Variants in VPS35L observed in about 807,000 individuals in gnomAD.
VPS35L encodes the protein VPS35 endosomal protein sorting factor like.
VPS35L carries 83 observed loss-of-function variants against 133.0 expected under a neutral mutation model. The observed-to-expected ratio is 0.62, with a 90% confidence interval of 0.52 to 0.75. VPS35L has a LOEUF of 0.75. Among genes scored for constraint, VPS35L ranks in the 30% least tolerant of loss-of-function variants. VPS35L has a pLI of 0.00. For missense variants in VPS35L, 1,083 were observed against 1,206.8 expected (o/e 0.90, Z 1.52); for synonymous variants, 423 against 449.9 (o/e 0.94, Z 0.76).
chr16:19,626,006 A>G (rs1044727800), intron 14 of VPS35L, among the ~76,000 whole-genome samples, 171 bp from the exon 15 acceptor site: 1 of 152,018 alleles, frequency 6.6e-6, no homozygotes, highest in Non-Finnish European at 1.5e-5. Flanking sequence ...AAATGCCATG[A>G]AAGTGAATTT....
At chr16:19,601,987 A>G (rs530650393) in intron 9 of VPS35L, among the ~76,000 whole-genome samples, 4 of 151,898 alleles carry the variant, frequency 2.6e-5, no homozygotes, top group African/African-American at 9.6e-5. Context: ...TCACACGAAC[A>G]TATTTTCCTC....
chr16:19,655,218 G>T (rs1233142407), intron 26 of VPS35L, among the ~76,000 whole-genome samples: 1 of 152,220 alleles, frequency 6.6e-6, no homozygotes, highest in African/African-American at 2.4e-5. Context: ...GAGTGGGAAT[G>T]TGGAGTCCAC....
intron 7 of VPS35L, among the ~76,000 whole-genome samples, chr16:19,588,774 G>A (rs1971952675): frequency 1.3e-5 from 2 of 152,172 alleles, no homozygotes; most frequent in South Asian, 4.1e-4. Flanking sequence ...TGGTGCCCAT[G>A]TAAAGCTTTT....
rs113423738 is a variant in VPS35L at position 19,604,865 on chromosome 16, A to G, written c.784+3142A>G. 1.2e-3 allele frequency among the ~76,000 whole-genome samples: 177 copies of G among 152,358 alleles called. 3 individuals are homozygous for G. Among genetic ancestry groups the G allele is most frequent in the African/African-American group, 3.8e-3 (160 of 41,590 alleles). ...TCTTTTGGGTTCATGAAAATCACAC[A>G]CTATTAGATGTGGTCATTTTTTCCC... On this transcript the variant is annotated intron_variant, in intron 9 of 30. Transcript: ENST00000417362.
intron 9 of VPS35L, 128 bp from the exon 10 acceptor site, chr16:19,608,050 A>T (rs1479726444): frequency 2.7e-5 from 18 of 678,886 alleles, no homozygotes; most frequent in Non-Finnish European, 4.7e-5. Flanking sequence ...CCTAATAGTG[A>T]TATTTGGAAG....
intron 14 of VPS35L, among the ~76,000 whole-genome samples, chr16:19,622,685 G>C (rs1973123805): frequency 6.6e-6 from 1 of 152,152 alleles, no homozygotes; most frequent in Non-Finnish European, 1.5e-5. Flanking sequence ...CTGTGTGTCA[G>C]GGAGTGTCAG....
At chr16:19,661,521 C>G (rs1974485123) in intron 26 of VPS35L, among the ~76,000 whole-genome samples, 1 of 152,114 alleles carries the variant, frequency 6.6e-6, no homozygotes, top group Non-Finnish European at 1.5e-5. Context: ...AGGTTACTGC[C>G]CCTGAATTAT....
At chr16:19,678,011 G>A (rs1975124453) in intron 27 of VPS35L, among the ~76,000 whole-genome samples, 1 of 152,226 alleles carries the variant, frequency 6.6e-6, no homozygotes, top group African/African-American at 2.4e-5. Flanking sequence ...CAGCTGGTCA[G>A]TGACGAGCCA....
At chr16:19,583,053 T>G (rs922874921) in intron 7 of VPS35L, among the ~76,000 whole-genome samples, 5 of 152,160 alleles carry the variant, frequency 3.3e-5, no homozygotes, top group African/African-American at 1.2e-4. Flanking sequence ...TAAAGTTTTT[T>G]TGTGTGTGTT....
At chr16:19,591,109 T>G (rs2151527649) in intron 7 of VPS35L, among the ~76,000 whole-genome samples, 2 of 152,320 alleles carry the variant, frequency 1.3e-5, no homozygotes, top group South Asian at 4.1e-4. Context: ...ATGTATTCAC[T>G]GAAGCTTATG....
chr16:19,652,693 C>G, intron 26 of VPS35L: 1 of 152,348 alleles, frequency 6.6e-6, no homozygotes, highest in Non-Finnish European at 1.5e-5. Flanking sequence ...CTCAGCACAC[C>G]TGGAGAAAGT....
intron 18 of VPS35L, among the ~76,000 whole-genome samples, chr16:19,630,519 A>G (rs1973419015): frequency 6.6e-6 from 1 of 151,748 alleles, no homozygotes; most frequent in Non-Finnish European, 1.5e-5. Context: ...TGTTTTTAGT[A>G]GAGACAGGGT....
intron 27 of VPS35L, among the ~76,000 whole-genome samples, chr16:19,676,353 C>T (rs1975062124): frequency 6.6e-6 from 1 of 152,144 alleles, no homozygotes; most frequent in Non-Finnish European, 1.5e-5. Context: ...GTAAACAGTC[C>T]CCAGGGTGGC....
chr16:19,674,690 A>G (rs1484841077), intron 27 of VPS35L, among the ~76,000 whole-genome samples: 1 of 152,068 alleles, frequency 6.6e-6, no homozygotes, highest in Non-Finnish European at 1.5e-5. Context: ...CATAACTGAA[A>G]CTGTCCATTG....
At position 19,687,643 on chromosome 16, in the gene VPS35L, T is replaced by C. The variant is rs117335383; in HGVS notation, c.2528-3710T>C. Among the ~76,000 whole-genome samples the C allele has an allele frequency of 5.9e-3, 892 of 152,218 alleles. 6 individuals are homozygous for C. The highest frequency in any genetic ancestry group is 0.011 in the Non-Finnish European group (738 of 68,014). On this transcript the variant is annotated intron_variant, in intron 28 of 30. Transcript: ENST00000417362. ...AAGAGATTCCTGTGATCAGAGAAGC[T>C]GGGGAACAAAGGAAACCAGTTGTTC...
chr16:19,652,279 C>A, intron 26 of VPS35L, 189 bp downstream of exon 26: 1 of 550,918 alleles, frequency 1.8e-6, no homozygotes, highest in Admixed American at 3.0e-5. Flanking sequence ...TGGGCTCAAG[C>A]AGTCCTCCTG....
chr16:19,558,554 T>C (rs1970930916), intron 1 of VPS35L, among the ~76,000 whole-genome samples: 1 of 152,208 alleles, frequency 6.6e-6, no homozygotes, highest in Admixed American at 6.5e-5. Context: ...TTGGCCTGGC[T>C]AGGAGATGAG....
Position 19,616,987 on chromosome 16 carries a change from T to C in VPS35L, c.1224+179T>C, listed in dbSNP as rs145269245. The C allele has an allele frequency of 2.7e-3, 2,443 of 902,588 alleles. 11 individuals are homozygous for C. Among genetic ancestry groups the C allele is most frequent in the Middle Eastern group, 0.024 (108 of 4,436 alleles). 55.9% of individuals were successfully genotyped at this position (902,588 alleles called of 1,614,324 possible). ...CTCTGTGCTGAGTGCTTTTCTGAGA[T>C]AGTCTCATTTTGACAGCTGTGGAAG... On this transcript the variant is annotated intron_variant, in intron 14 of 30. Transcript: ENST00000417362.
Position 19,581,668 on chromosome 16 carries a change from T to TCCCCCCCCCCCCCCCC in VPS35L, c.639+20_639+21insCCCCCCCCCCCCCCCC. The TCCCCCCCCCCCCCCCC allele has an allele frequency of 6.2e-7, 1 of 1,607,068 alleles. No individual in the cohort carries two copies. On this transcript the variant is annotated intron_variant, in intron 7 of 30. Coordinates refer to ENST00000417362, the MANE Select transcript of VPS35L (RefSeq NM_020314.7). ...TAGTCATCCAGGTTAGCTCTAGTGA[T>TCCCCCCCCCCCCCCCC]CCCCCACCCCCACCCAGAATTTCCT...
Sources: allele counts gnomAD v4.1 joint callset (sites outside exome capture counted in the v4.1 genomes callset), GRCh38; gene constraint gnomAD v4.1.1; transcripts MANE v1.5; gene names NCBI Gene and HGNC (gene_info 2026-07-23, HGNC 2026-07-21).